FCHSD2: variants seen among roughly 807,000 people sequenced by gnomAD.
The protein encoded by FCHSD2 is FCH and double SH3 domains 2.
Under a neutral mutation model 108.1 loss-of-function variants are expected in FCHSD2, and 38 were observed. The ratio of observed to expected loss-of-function variants is 0.35; its 90% confidence interval spans 0.27 to 0.46. FCHSD2 has a LOEUF of 0.46. FCHSD2 is among the 20% of genes least tolerant of loss of function. FCHSD2 has a pLI of 1.00. For synonymous variants in FCHSD2, 279 were observed against 314.7 expected, an observed-to-expected ratio of 0.89 and a Z score of 1.20; for missense variants, 751 against 897.8, an observed-to-expected ratio of 0.84 and a Z score of 2.09.
chr11:72,865,557 T>A (rs1854702436), intron 13 of FCHSD2, among the ~76,000 whole-genome samples: 1 of 152,196 alleles, frequency 6.6e-6, no homozygotes, highest in Admixed American at 6.5e-5. Context: ...ACTACTGTAC[T>A]AGGCACAGCT....
intron 3 of FCHSD2, among the ~76,000 whole-genome samples, chr11:73,066,313 G>A (rs540251415): frequency 3.3e-5 from 5 of 152,222 alleles, no homozygotes; most frequent in Admixed American, 6.5e-5. Flanking sequence ...AATTGAAACC[G>A]GATCCCTTCC....
At chr11:72,886,962 T>G (rs905444942) in intron 12 of FCHSD2, among the ~76,000 whole-genome samples, 1 of 152,090 alleles carries the variant, frequency 6.6e-6, no homozygotes, top group African/African-American at 2.4e-5. Flanking sequence ...AAATCCACTA[T>G]TATAAATTTT....
At chr11:73,124,089 G>T (rs1860796857) in intron 2 of FCHSD2, among the ~76,000 whole-genome samples, 1 of 152,110 alleles carries the variant, frequency 6.6e-6, no homozygotes, top group African/African-American at 2.4e-5. Context: ...CATAAAAAAG[G>T]ATGCGTTCAC....
In FCHSD2 at chr11:72,995,012, A is replaced by G. The variant is rs866515587; in HGVS notation, c.388-5915T>C. Among the ~76,000 whole-genome samples the G allele has an allele frequency of 2.0e-5, 3 of 152,236 alleles. No individual in the cohort carries two copies. The South Asian group carries it at 6.2e-4, about 32-fold the overall frequency. On this transcript the variant is annotated intron_variant, in intron 5 of 19. Transcript: ENST00000409418. ...CCCATTTCTCCCCACTTCCAACAAC[A>G]ATTAATCTATTTTTGTCTCTATGGA...
At chr11:72,934,978 T>C (rs990546781) in intron 8 of FCHSD2, among the ~76,000 whole-genome samples, 1 of 152,148 alleles carries the variant, frequency 6.6e-6, no homozygotes, top group Non-Finnish European at 1.5e-5. Context: ...CAGGTAGCTA[T>C]TAGGCCACAC....
chr11:72,863,429 G>C (rs541963001), intron 13 of FCHSD2, among the ~76,000 whole-genome samples: 29 of 152,220 alleles, frequency 1.9e-4, no homozygotes, highest in African/African-American at 7.0e-4. Context: ...AAATCTTTAT[G>C]ACCTTGGTTT....
At chr11:72,976,348 G>A (rs770183494) in intron 8 of FCHSD2, among the ~76,000 whole-genome samples, 1 of 152,082 alleles carries the variant, frequency 6.6e-6, no homozygotes, top group Non-Finnish European at 1.5e-5. Flanking sequence ...CTGGAGTGCT[G>A]TGGCAGGATC....
chr11:73,057,819 T>C (rs1859062877), intron 3 of FCHSD2, among the ~76,000 whole-genome samples: 1 of 151,826 alleles, frequency 6.6e-6, no homozygotes, highest in African/African-American at 2.4e-5. Context: ...TCCCCTCAGT[T>C]CTTGAGGGAT....
In FCHSD2 at chr11:73,068,363, G is replaced by C. The variant is rs185191355; in HGVS notation, c.165+15332C>G. On this transcript the variant is annotated intron_variant, in intron 3 of 19. Coordinates refer to ENST00000409418, the MANE Select transcript of FCHSD2 (RefSeq NM_014824.3). ...GGGAGGGTGGGGTAGGGTGGGGTTG[G>C]GGGGGCGGAGAGAGAGCATCAGGAA... 4.2e-3 allele frequency among the ~76,000 whole-genome samples: 631 copies of C among 150,730 alleles called. 8 individuals carry two copies. The highest frequency in any genetic ancestry group is 0.015 in the African/African-American group (592 of 40,762).
In FCHSD2 at chr11:72,869,875, C is replaced by T. The variant is rs191451802; in HGVS notation, c.1147-1849G>A. Among the ~76,000 whole-genome samples the T allele has an allele frequency of 3.6e-4, 55 of 152,254 alleles. No homozygotes were observed. The East Asian group carries it at 8.7e-3, about 24-fold the overall frequency. ...GTCTGTGAATGACCTCATCATGTTG[C>T]TCCCCAGTTTAAAAACTTTCATAAC... On this transcript the variant is annotated intron_variant, in intron 12 of 19. Coordinates refer to ENST00000409418, the MANE Select transcript of FCHSD2 (RefSeq NM_014824.3).
intron 3 of FCHSD2, among the ~76,000 whole-genome samples, chr11:73,032,446 A>C (rs1858382996): frequency 6.6e-6 from 1 of 152,096 alleles, no homozygotes; most frequent in Admixed American, 6.5e-5. Flanking sequence ...GGTTGGTCTC[A>C]AACTCCTGGC....
At chr11:72,920,407 A>G (rs1591399240) in intron 9 of FCHSD2, among the ~76,000 whole-genome samples, 1 of 152,344 alleles carries the variant, frequency 6.6e-6, no homozygotes, top group Middle Eastern at 3.4e-3. Context: ...AAATATACTG[A>G]AAAAGAGACA....
At chr11:72,995,730 A>C (rs895062400) in intron 5 of FCHSD2, among the ~76,000 whole-genome samples, 1 of 151,706 alleles carries the variant, frequency 6.6e-6, no homozygotes, top group Non-Finnish European at 1.5e-5. Flanking sequence ...AAAAAGGAAG[A>C]AGTTAAAAGT....
At chr11:73,001,212 A>G (rs1473320955) in intron 4 of FCHSD2, 78 bp from the exon 5 acceptor site, 1 of 1,187,216 alleles carries the variant, frequency 8.4e-7, no homozygotes, top group Non-Finnish European at 1.2e-6. Context: ...CTCACAGGGC[A>G]GCACTGACAG....
At chr11:72,975,223 G>A (rs1404630767) in intron 8 of FCHSD2, among the ~76,000 whole-genome samples, 6 of 152,030 alleles carry the variant, frequency 3.9e-5, no homozygotes, top group African/African-American at 9.7e-5. Flanking sequence ...ATCCACTGAC[G>A]GACATTTAGG....
At chr11:73,064,792 C>T (rs1156832555) in intron 3 of FCHSD2, among the ~76,000 whole-genome samples, 4 of 152,084 alleles carry the variant, frequency 2.6e-5, no homozygotes, top group South Asian at 4.2e-4. Context: ...ATACACCCTC[C>T]GAAGTCTAAA....
intron 2 of FCHSD2, among the ~76,000 whole-genome samples, chr11:73,111,496 T>C (rs555392168): frequency 6.6e-6 from 1 of 151,938 alleles, no homozygotes; most frequent in Non-Finnish European, 1.5e-5. Context: ...TGTGTCTTTA[T>C]AGGTGAAGTG....
At chr11:72,936,806 T>A (rs1309808650) in intron 8 of FCHSD2, among the ~76,000 whole-genome samples, 1 of 152,218 alleles carries the variant, frequency 6.6e-6, no homozygotes, top group African/African-American at 2.4e-5. Flanking sequence ...ATTCTTTATT[T>A]GCTGAGATAT....
intron 13 of FCHSD2, among the ~76,000 whole-genome samples, chr11:72,862,510 G>C (rs1046038125): frequency 6.6e-6 from 1 of 152,096 alleles, no homozygotes; most frequent in African/African-American, 2.4e-5. Context: ...TATGAAATAG[G>C]GGTAAGTCTG....
Sources: allele counts gnomAD v4.1 joint callset (sites outside exome capture counted in the v4.1 genomes callset), GRCh38; gene constraint gnomAD v4.1.1; transcripts MANE v1.5; gene names NCBI Gene and HGNC (gene_info 2026-07-23, HGNC 2026-07-21).